DPY19L2: variants seen among roughly 807,000 people sequenced by gnomAD.
DPY19L2 encodes the protein probable C-mannosyltransferase DPY19L2.
A neutral mutation model predicts 97.9 loss-of-function variants in DPY19L2; 34 were observed. The observed-to-expected ratio is 0.35, with a 90% CI of 0.26 to 0.46. The LOEUF (loss-of-function observed/expected upper bound fraction) is 0.46, where lower values mean the gene tolerates loss of function less well. Among genes scored for constraint, DPY19L2 ranks in the 20% least tolerant of loss-of-function variants. The probability of loss-of-function intolerance (pLI) is 1.00; values close to 1 mark genes in which losing one functional copy is unlikely to be tolerated. For synonymous variants in DPY19L2, 230 were observed against 307.9 expected, an observed-to-expected ratio of 0.75 and a Z score of 2.65; for missense variants, 623 against 911.4, an observed-to-expected ratio of 0.68 and a Z score of 4.07.
At chr12:63,665,947 A>G (rs1896285842) in intron 1 of DPY19L2, 88 bp from the exon 2 acceptor site, 1 of 1,162,018 alleles carries the variant, frequency 8.6e-7, no homozygotes, top group Non-Finnish European at 1.2e-6. Context: ...ATTATTTTAC[A>G]TGTCTAGAAA....
In DPY19L2 at chr12:63,667,468, G is replaced by A. The variant is rs190307203; in HGVS notation, c.337+589C>T. ...TAAATGCTTGAAGGGCTTATCACAT[G>A]CCCTTTCCAAGCTGTGACAGAAGAA... On this transcript the variant is annotated intron_variant, in intron 1 of 21. Coordinates refer to ENST00000324472, the MANE Select transcript of DPY19L2 (RefSeq NM_173812.5). 1.7e-3 allele frequency among the ~76,000 whole-genome samples: 263 copies of A among 152,180 alleles called. 2 individuals are homozygous for A. Among genetic ancestry groups the A allele is most frequent in the African/African-American group, 6.2e-3 (257 of 41,540 alleles).
chr12:63,610,870 A>AAAAAAC, intron 11 of DPY19L2, among the ~76,000 whole-genome samples: 1 of 103,344 alleles, frequency 9.7e-6, no homozygotes, highest in Non-Finnish European at 2.0e-5. Flanking sequence ...AAAAAAAAAA[A>AAAAAAC]AAAAACCACA....
At chr12:63,582,556 T>C in intron 17 of DPY19L2, 31 bp from the exon 18 acceptor site, 1 of 1,592,804 alleles carries the variant, frequency 6.3e-7, no homozygotes, top group South Asian at 1.2e-5. Flanking sequence ...AAAATCACAT[T>C]TTTACTTTTC....
Position 63,569,354 on chromosome 12 carries a change from A to G in DPY19L2, c.2001-5T>C. 6.4e-7 allele frequency: 1 copy of G among 1,558,246 alleles called. No homozygotes were observed. The highest frequency in any genetic ancestry group is 8.7e-7 in the Non-Finnish European group (1 of 1,153,854). On this transcript the variant is annotated splice_region_variant and splice_polypyrimidine_tract_variant and intron_variant, in intron 20 of 21. Transcript: ENST00000324472. Reference sequence around the variant, plus strand: ...TAAACTATTTTTGTCCGAGCCCTTTAAATTTAAACAATAATTTAAAAGATT... The same window carrying G: ...TAAACTATTTTTGTCCGAGCCCTTTGAATTTAAACAATAATTTAAAAGATT...
At chr12:63,590,471 T>C (rs1327131533) in intron 16 of DPY19L2, among the ~76,000 whole-genome samples, 24 of 152,050 alleles carry the variant, frequency 1.6e-4, no homozygotes, top group Admixed American at 1.3e-3. Context: ...CCTCAAAACA[T>C]TGGTTTTTTT....
Position 63,648,584 on chromosome 12 carries a change from T to C in DPY19L2, c.589-1219A>G, listed in dbSNP as rs528913183. On this transcript the variant is annotated intron_variant, in intron 4 of 21. Coordinates refer to ENST00000324472, the MANE Select transcript of DPY19L2 (RefSeq NM_173812.5). ...CTGGGATTACAAGTGCCCACCACCA[T>C]GCCTGGCTAATTTTTATATATTTAG... 8.5e-5 allele frequency among the ~76,000 whole-genome samples: 13 copies of C among 152,138 alleles called. No homozygotes were observed. In the South Asian group the frequency reaches 2.7e-3, roughly 32 times the overall value.
At chr12:63,600,216 A>C in intron 13 of DPY19L2, 90 bp downstream of exon 13, 2 of 1,111,616 alleles carry the variant, frequency 1.8e-6, no homozygotes. Flanking sequence ...TAACCTCTGT[A>C]AAATGAAGAG....
At chr12:63,649,849 T>C (rs1893944372) in intron 4 of DPY19L2, among the ~76,000 whole-genome samples, 2 of 152,150 alleles carry the variant, frequency 1.3e-5, no homozygotes, top group East Asian at 3.9e-4. Context: ...GATGCCAAAA[T>C]GTGGCAAAGC....
At chr12:63,589,584 G>C (rs544848108) in intron 16 of DPY19L2, among the ~76,000 whole-genome samples, 7 of 151,696 alleles carry the variant, frequency 4.6e-5, no homozygotes, top group Admixed American at 3.3e-4. Context: ...CAAAATTAAC[G>C]CAAGAGTAAT....
At chr12:63,560,747 G>A (rs1398154015) in intron 21 of DPY19L2, 85 bp from the exon 22 acceptor site, 2 of 1,485,840 alleles carry the variant, frequency 1.3e-6, no homozygotes, top group East Asian at 2.5e-5. Context: ...GATTTTCAGA[G>A]ACAAATTTAT....
At chr12:63,625,108 C>T (rs1379808057) in intron 7 of DPY19L2, among the ~76,000 whole-genome samples, 3 of 152,086 alleles carry the variant, frequency 2.0e-5, no homozygotes, top group African/African-American at 7.2e-5. Flanking sequence ...AAAAGTACTT[C>T]TACCCTGGCT....
rs142339810 is a variant in DPY19L2, at chr12:63,611,262, T to G, written c.1219-2587A>C. Reference sequence around the variant, plus strand: ...TACTTTCATTCCAGCTAACAAATCTTAAAAGCAAGACCTGAAAAGATCAGC... The same window carrying G: ...TACTTTCATTCCAGCTAACAAATCTGAAAAGCAAGACCTGAAAAGATCAGC... On this transcript the variant is annotated intron_variant, in intron 11 of 21. Transcript: ENST00000324472. Among the ~76,000 whole-genome samples, 642 of 152,076 alleles carry G rather than the reference T, an allele frequency of 4.2e-3. 11 individuals are homozygous for G. Among genetic ancestry groups the G allele is most frequent in the African/African-American group, 0.015 (607 of 41,482 alleles).
chr12:63,589,357 C>CAAAAAAAAAAAAAAAAAAAAAAAA (rs71086687), intron 16 of DPY19L2, among the ~76,000 whole-genome samples: 1 of 18,992 alleles, frequency 5.3e-5, no homozygotes, highest in African/African-American at 1.5e-4. Context: ...AAATGTGTTG[C>CAAAAAAAAAAAAAAAAAAAAAAAA]AAAAAAAAAA....
chr12:63,631,457 A>C (rs2137941025), intron 6 of DPY19L2, among the ~76,000 whole-genome samples: 1 of 152,280 alleles, frequency 6.6e-6, no homozygotes, highest in East Asian at 1.9e-4. Flanking sequence ...TAAACTAGAA[A>C]ATCTAGAAGA....
At chr12:63,655,433 T>C (rs1168033988) in intron 4 of DPY19L2, among the ~76,000 whole-genome samples, 4 of 152,264 alleles carry the variant, frequency 2.6e-5, no homozygotes, top group East Asian at 1.9e-4. Flanking sequence ...TCAACAAATA[T>C]GATATTGAAT....
At chr12:63,582,211 T>C (rs897896104) in intron 18 of DPY19L2, among the ~76,000 whole-genome samples, 195 bp downstream of exon 18, 2 of 152,084 alleles carry the variant, frequency 1.3e-5, no homozygotes, top group Admixed American at 6.5e-5. Flanking sequence ...AATCCAGAAA[T>C]ACTTTTCAAA....
intron 8 of DPY19L2, among the ~76,000 whole-genome samples, chr12:63,622,762 C>T (rs1051112980): frequency 6.6e-6 from 1 of 152,044 alleles, no homozygotes; most frequent in African/African-American, 2.4e-5. Flanking sequence ...CCTGCCTCTA[C>T]TAAAAATACA....
At chr12:63,571,640 C>G (rs1325007790) in intron 19 of DPY19L2, among the ~76,000 whole-genome samples, 2 of 152,090 alleles carry the variant, frequency 1.3e-5, no homozygotes, top group East Asian at 1.9e-4. Flanking sequence ...TCCCGCAGAT[C>G]ATCTTTAAGT....
At position 63,560,282 on chromosome 12, in the gene DPY19L2, A is replaced by G. The variant is rs1203482391; in HGVS notation, c.*230T>C. 3 of 382,374 alleles carry G rather than the reference A, an allele frequency of 7.8e-6. No homozygotes were observed. The highest frequency in any genetic ancestry group is 1.4e-5 in the Non-Finnish European group (3 of 217,844). 23.7% of individuals were successfully genotyped at this position (382,374 alleles called of 1,614,324 possible). On this transcript the variant is annotated 3_prime_UTR_variant, in exon 22 of 22. Coordinates refer to ENST00000324472, the MANE Select transcript of DPY19L2 (RefSeq NM_173812.5). ...TTCTGAAATGAACATTTGTTTATGC[A>G]GTATGACATGAATGATTTAATAACT...
Sources: allele counts gnomAD v4.1 joint callset (sites outside exome capture counted in the v4.1 genomes callset), GRCh38; gene constraint gnomAD v4.1.1; transcripts MANE v1.5; gene names NCBI Gene and HGNC (gene_info 2026-07-23, HGNC 2026-07-21).